Variants in FAHD2B observed in about 807,000 individuals in gnomAD.
FAHD2B encodes oxaloacetate tautomerase FAHD2B, mitochondrial.
FAHD2B carries 26 observed loss-of-function variants against 33.7 expected under a neutral mutation model. The ratio of observed to expected loss-of-function variants is 0.77; its 90% CI spans 0.57 to 1.07. The LOEUF (loss-of-function observed/expected upper bound fraction) is 1.07. Among genes scored for constraint, FAHD2B ranks in the 50% least tolerant of loss-of-function variants. FAHD2B has a pLI of 0.00. For synonymous variants in FAHD2B, 108 were observed against 150.9 expected, an observed-to-expected ratio of 0.72 and a Z score of 2.08; for missense variants, 272 against 388.1, an observed-to-expected ratio of 0.70 and a Z score of 2.51.
rs1317350519 is a variant in FAHD2B, at chr2:97,090,345, T to C, written c.246-20A>G. ...AAGGCTCTGTAGAGACCAGAGCAGG[T>C]GAGAGGGTCTGGCTGGGAACAGGTG... On this transcript the variant is annotated intron_variant, in intron 3 of 8. Transcript: ENST00000414820. The C allele has an allele frequency of 1.3e-6, 2 of 1,545,034 alleles. No homozygotes were observed. Among genetic ancestry groups the C allele is most frequent in the Non-Finnish European group, 1.7e-6 (2 of 1,144,434 alleles).
intron 1 of FAHD2B, among the ~76,000 whole-genome samples, chr2:97,093,764 C>T (rs1259030135): frequency 4.6e-5 from 7 of 152,108 alleles, no homozygotes; most frequent in East Asian, 1.9e-4. Flanking sequence ...TGAGCCACGG[C>T]GCCCGGCCTG....
chr2:97,089,546 A>G (rs2032203291), intron 4 of FAHD2B, among the ~76,000 whole-genome samples: 2 of 150,622 alleles, frequency 1.3e-5, no homozygotes, highest in Admixed American at 1.3e-4. Context: ...AGGAAATAAT[A>G]ATATATTAAT....
intron 4 of FAHD2B, among the ~76,000 whole-genome samples, chr2:97,089,128 C>A (rs1343671283): frequency 1.3e-5 from 2 of 151,854 alleles, no homozygotes; most frequent in Non-Finnish European, 2.9e-5. Flanking sequence ...GTGTAAGTTG[C>A]TCTTACAATT....
At chr2:97,093,803 G>A (rs2032504154) in intron 1 of FAHD2B, among the ~76,000 whole-genome samples, 1 of 152,070 alleles carries the variant, frequency 6.6e-6, no homozygotes, top group Admixed American at 6.6e-5. Flanking sequence ...GTGGAAGGTA[G>A]GTACTGTTAG....
intron 6 of FAHD2B, 90 bp downstream of exon 6, chr2:97,085,609 G>A (rs1308557165): frequency 1.9e-6 from 3 of 1,551,090 alleles, no homozygotes; most frequent in East Asian, 2.3e-5. Context: ...GGGAGGGCAG[G>A]TGCCACATGT....
downstream of FAHD2B, chr2:97,082,813 T>A: frequency 8.1e-7 from 1 of 1,235,618 alleles, no homozygotes; most frequent in South Asian, 1.2e-5. Flanking sequence ...CCCAATAGAG[T>A]GGCTCAGGGA....
At chr2:97,088,431 T>A (rs2032131268) in intron 4 of FAHD2B, among the ~76,000 whole-genome samples, 1 of 152,094 alleles carries the variant, frequency 6.6e-6, no homozygotes, top group Admixed American at 6.6e-5. Flanking sequence ...TCTGATAGTT[T>A]TAAAAACGGG....
chr2:97,090,635 G>A (rs1310755555), intron 3 of FAHD2B, among the ~76,000 whole-genome samples: 1 of 152,028 alleles, frequency 6.6e-6, no homozygotes. Context: ...GCTCTTCGCA[G>A]CTACTCTATG....
chr2:97,092,796 C>T (rs1346611134), intron 1 of FAHD2B, among the ~76,000 whole-genome samples: 1 of 151,550 alleles, frequency 6.6e-6, no homozygotes, highest in Non-Finnish European at 1.5e-5. Flanking sequence ...CATGGTGAAA[C>T]CCTGTATCCC....
At chr2:97,079,711 C>G (rs2031583310), downstream of FAHD2B, among the ~76,000 whole-genome samples, 1 of 150,954 alleles carries the variant, frequency 6.6e-6, no homozygotes, top group Non-Finnish European at 1.5e-5. Flanking sequence ...TTTGCCCAGG[C>G]TGGAGTGCTG....
chr2:97,086,249 T>A (rs374514206), intron 4 of FAHD2B, 51 bp from the exon 5 acceptor site: 512 of 1,597,820 alleles, frequency 3.2e-4, no homozygotes, highest in Non-Finnish European at 4.2e-4. Flanking sequence ...GGGCCCATTA[T>A]CTATGCTCAG....
chr2:97,085,748 G>C lies in FAHD2B; in HGVS notation c.636C>G (p.Asp212Glu). Residue 212 changes from aspartate to glutamate, a missense_variant, in exon 6 of 9, where the codon GAC becomes GAG. Coordinates refer to ENST00000414820, the MANE Select transcript of FAHD2B (RefSeq NM_001320848.2). ...AGGCAGGGCCCAGAGGGCAGAAGGT[G>C]TCGAAGGTTTTTCCCAGCAGCCACT... ...GKQWLLGKTF[D>E]TFCPLGPALV... 6.2e-7 allele frequency: 1 copy of C among 1,613,840 alleles called. No individual in the cohort carries two copies. Among genetic ancestry groups the C allele is most frequent in the Non-Finnish European group, 8.5e-7 (1 of 1,179,856 alleles).
downstream of FAHD2B, chr2:97,083,444 C>G (rs556459779): frequency 1.7e-5 from 23 of 1,368,554 alleles, no homozygotes; most frequent in South Asian, 3.6e-4. Context: ...GGGGACGAGA[C>G]GAGTTGTCTT....
chr2:97,086,326 A>G (rs1203754322), intron 4 of FAHD2B, 128 bp from the exon 5 acceptor site: 1 of 1,322,832 alleles, frequency 7.6e-7, no homozygotes, highest in Non-Finnish European at 1.0e-6. Flanking sequence ...ATCACCCTGA[A>G]CCAGAGCCCA....
chr2:97,082,465 G>T (rs2031681478), downstream of FAHD2B: 1 of 1,613,194 alleles, frequency 6.2e-7, no homozygotes, highest in Non-Finnish European at 8.5e-7. Context: ...GGGATCTTCG[G>T]TGAGTCTCAA....
rs751654514 is a variant in FAHD2B at position 97,083,980 on chromosome 2, C to T, written c.850G>A (p.Gly284Ser). The change falls in exon 8 of 9, where the codon GGT (glycine) becomes AGT (serine). Residue 284 changes from glycine to serine, a missense_variant. Physicochemically the swap from Gly to Ser is moderately conservative, Grantham distance 56. Transcript: ENST00000414820. ...AAGACAGGAGGTTTCCTGAATACAC[C>T]GACACCTGGGGGGGTCCCAGTTAGG... ...VILTGTPPGV[G>S]VFRKPPVFLK... 91 of 1,613,604 alleles carry T rather than the reference C, an allele frequency of 5.6e-5. 1 individual carries two copies. The highest frequency in any genetic ancestry group is 1.2e-4 in the African/African-American group (9 of 74,908).
At chr2:97,087,043 G>C (rs2032032138) in intron 4 of FAHD2B, 1 of 152,086 alleles carries the variant, frequency 6.6e-6, no homozygotes. Flanking sequence ...GGAATAAAGA[G>C]GGAGGCAGCT....
chr2:97,086,603 T>G (rs1419452107), intron 4 of FAHD2B: 1 of 167,318 alleles, frequency 6.0e-6, no homozygotes, highest in Non-Finnish European at 1.3e-5. Flanking sequence ...AGAGAAAGAT[T>G]GACATGCCAC....
chr2:97,085,064 T>TA (rs2031881522), intron 6 of FAHD2B, among the ~76,000 whole-genome samples: 1 of 152,126 alleles, frequency 6.6e-6, no homozygotes, highest in South Asian at 2.1e-4. Flanking sequence ...GTGTTGGTCT[T>TA]AGTGTTCTAC....
Sources: allele counts gnomAD v4.1 joint callset (sites outside exome capture counted in the v4.1 genomes callset), GRCh38; gene constraint gnomAD v4.1.1; transcripts MANE v1.5; gene names NCBI Gene and HGNC (gene_info 2026-07-23, HGNC 2026-07-21).